NTN1: variants seen among roughly 807,000 people sequenced by gnomAD.
The protein encoded by NTN1 is netrin 1, also known as netrin-1.
In NTN1, 11 loss-of-function variants were observed where a neutral mutation model predicts 54.2. The observed-to-expected ratio is 0.20, with a 90% CI of 0.13 to 0.34. The LOEUF (loss-of-function observed/expected upper bound fraction) is 0.34, where lower values mean the gene tolerates loss of function less well. Ranked by LOEUF, NTN1 falls within the 10% of genes least tolerant of loss-of-function variation. The pLI is 1.00. For synonymous variants in NTN1, 371 were observed against 382.0 expected, an observed-to-expected ratio of 0.97 and a Z score of 0.33; for missense variants, 740 against 893.1, an observed-to-expected ratio of 0.83 and a Z score of 2.18.
rs772873790 is a variant in NTN1, at chr17:9,221,283, C to A, written c.1486+41C>A. 1 of 1,512,892 alleles carries A rather than the reference C, an allele frequency of 6.6e-7. No individual in the cohort carries two copies. 93.7% of individuals were successfully genotyped at this position (1,512,892 alleles called of 1,614,324 possible). On this transcript the variant is annotated intron_variant, in intron 6 of 6. Coordinates refer to ENST00000173229, the MANE Select transcript of NTN1 (RefSeq NM_004822.3). This position sits in a 1 kb window ranked among gnomAD's most constrained non-coding sequence, Gnocchi z 4.5. ...CTTGTCTGGGGAGGATGGGAGGGGG[C>A]CACGTGACCAGCGAGGTGCTGGGGC... is the stretch of plus-strand genomic sequence containing the variant.
At chr17:9,114,033 G>A (rs1048657741) in intron 2 of NTN1, among the ~76,000 whole-genome samples, 3 of 150,440 alleles carry the variant, frequency 2.0e-5, no homozygotes, top group African/African-American at 7.3e-5. Flanking sequence ...ATGGTGGTGT[G>A]TGCCTGTAAT....
intron 5 of NTN1, among the ~76,000 whole-genome samples, chr17:9,207,206 A>G (rs1435159883): frequency 1.3e-5 from 2 of 152,194 alleles, no homozygotes; most frequent in Non-Finnish European, 1.5e-5. Flanking sequence ...TGAAAAATGT[A>G]TCACTGCACA....
chr17:9,203,024 C>A (rs557476573), intron 5 of NTN1, among the ~76,000 whole-genome samples: 1 of 152,298 alleles, frequency 6.6e-6, no homozygotes, highest in East Asian at 1.9e-4. Flanking sequence ...CGGGTTCACA[C>A]CATTCTCCTG....
At chr17:9,068,446 A>G (rs1375469856) in intron 2 of NTN1, among the ~76,000 whole-genome samples, 1 of 151,990 alleles carries the variant, frequency 6.6e-6, no homozygotes, top group East Asian at 1.9e-4. Context: ...TGGCCCCCCA[A>G]AGCGCTGGGA....
At chr17:9,204,177 T>TTCCTTCCTTCCC (rs1438172314) in intron 5 of NTN1, among the ~76,000 whole-genome samples, 1 of 133,942 alleles carries the variant, frequency 7.5e-6, no homozygotes, top group African/African-American at 3.0e-5. Context: ...TTAGTAACCG[T>TTCCTTCCTTCCC]TCCTTCCTTC....
chr17:9,153,390 G>A (rs1479825189), intron 2 of NTN1, among the ~76,000 whole-genome samples: 8 of 152,220 alleles, frequency 5.3e-5, no homozygotes, highest in African/African-American at 1.7e-4. Flanking sequence ...CAGAGCTTGC[G>A]GTGAGCTGAG....
At position 9,165,258 on chromosome 17, in the gene NTN1, A is replaced by T. The variant is rs574133222; in HGVS notation, c.1207+2257A>T. Reference sequence around the variant, plus strand: ...GGCAGGGCCCTGGTCACCTCCACCTACACCCTGTTGCTGTGGACAGGGACA... The same window carrying T: ...GGCAGGGCCCTGGTCACCTCCACCTTCACCCTGTTGCTGTGGACAGGGACA... On this transcript the variant is annotated intron_variant, in intron 3 of 6. Coordinates refer to ENST00000173229, the MANE Select transcript of NTN1 (RefSeq NM_004822.3). This position sits in a 1 kb window ranked among gnomAD's most constrained non-coding sequence, Gnocchi z 4.5. Among the ~76,000 whole-genome samples, 2 of 152,280 alleles carry T rather than the reference A, an allele frequency of 1.3e-5. No individual in the cohort carries two copies. The highest frequency in any genetic ancestry group is 4.1e-4 in the South Asian group (2 of 4,822).
At chr17:9,154,097 A>C (rs1012217246) in intron 2 of NTN1, among the ~76,000 whole-genome samples, 10 of 152,208 alleles carry the variant, frequency 6.6e-5, no homozygotes, top group African/African-American at 2.4e-4. Flanking sequence ...CTGGCTGGTC[A>C]CTGCTGCATT....
intron 6 of NTN1, among the ~76,000 whole-genome samples, chr17:9,231,975 C>A (rs907444811): frequency 1.3e-5 from 2 of 152,198 alleles, no homozygotes; most frequent in Non-Finnish European, 2.9e-5. Context: ...CCCGCGGGCC[C>A]AGCCCTCACC....
intron 2 of NTN1, among the ~76,000 whole-genome samples, chr17:9,124,956 C>T (rs2092241742): frequency 6.6e-6 from 1 of 152,268 alleles, no homozygotes; most frequent in East Asian, 1.9e-4. Context: ...TTTTACAGAG[C>T]CTGGCACATG....
At chr17:9,226,960 G>GC (rs1905586124) in intron 6 of NTN1, among the ~76,000 whole-genome samples, 1 of 152,016 alleles carries the variant, frequency 6.6e-6, no homozygotes, top group African/African-American at 2.4e-5. Flanking sequence ...GCCCCCCGAG[G>GC]CCCCGCCTCA....
At chr17:9,082,211 C>A (rs945740124) in intron 2 of NTN1, among the ~76,000 whole-genome samples, 11 of 152,142 alleles carry the variant, frequency 7.2e-5, no homozygotes, top group Non-Finnish European at 1.3e-4. Context: ...AGGCACCCAC[C>A]ACCACATCCG....
At chr17:9,201,977 G>A (rs1291983239) in intron 5 of NTN1, among the ~76,000 whole-genome samples, 3 of 133,072 alleles carry the variant, frequency 2.3e-5, no homozygotes, top group African/African-American at 8.5e-5. Flanking sequence ...CACAAGGCCA[G>A]AAGTTCAAGA....
intron 2 of NTN1, among the ~76,000 whole-genome samples, chr17:9,104,786 C>T (rs1225883489): frequency 6.6e-6 from 1 of 151,992 alleles, no homozygotes; most frequent in Non-Finnish European, 1.5e-5. Flanking sequence ...TTAGGCGGGG[C>T]GATTTGGCCC....
chr17:9,146,368 G>A (rs2092313275), intron 2 of NTN1, among the ~76,000 whole-genome samples: 1 of 152,164 alleles, frequency 6.6e-6, no homozygotes, highest in African/African-American at 2.4e-5. Context: ...CCCACCTCCT[G>A]CCCTGAGCTC....
At chr17:9,084,865 A>G (rs1238881309) in intron 2 of NTN1, among the ~76,000 whole-genome samples, 1 of 151,664 alleles carries the variant, frequency 6.6e-6, no homozygotes, top group Non-Finnish European at 1.5e-5. Flanking sequence ...GTTAGCCAGG[A>G]TGGTCTCGAT....
chr17:9,100,707 G>A (rs1377477542), intron 2 of NTN1, among the ~76,000 whole-genome samples: 1 of 152,134 alleles, frequency 6.6e-6, no homozygotes, highest in East Asian at 1.9e-4. Context: ...AATCTCCTTT[G>A]TCTACCTTTT....
chr17:9,051,709 C>T (rs1438250071), intron 2 of NTN1, among the ~76,000 whole-genome samples: 1 of 152,086 alleles, frequency 6.6e-6, no homozygotes, highest in Non-Finnish European at 1.5e-5. Flanking sequence ...TTAAGGTCTA[C>T]TCCCAGCAAT....
chr17:9,189,669 A>G (rs1904399207), intron 5 of NTN1, among the ~76,000 whole-genome samples: 1 of 150,964 alleles, frequency 6.6e-6, no homozygotes, highest in East Asian at 2.0e-4. Context: ...TTGTTTGGTC[A>G]ATTTTAGATA....
Sources: gnomAD v4.1 joint callset for allele counts (sites outside exome capture counted in the v4.1 genomes callset) on GRCh38, gnomAD v4.1.1 for gene constraint, Gnocchi (gnomAD v3.1) non-coding constraint, MANE v1.5 for transcripts, NCBI Gene and HGNC (gene_info 2026-07-23, HGNC 2026-07-21) for gene names.